The following NRXN3 variants were observed in gnomAD, a reference collection of about 807,000 sequenced individuals.
The protein encoded by NRXN3 is neurexin 3, also known as neurexin III.
In NRXN3, 32 loss-of-function variants were observed where a neutral mutation model predicts 137.6. The observed-to-expected ratio is 0.23, with a 90% CI of 0.18 to 0.31. NRXN3 has a LOEUF of 0.31. NRXN3 is among the 10% of genes least tolerant of loss of function. The pLI is 1.00. For missense variants in NRXN3, 1,574 were observed against 2,062.5 expected, an observed-to-expected ratio of 0.76 and a Z score of 4.59; for synonymous variants, 798 against 784.5, an observed-to-expected ratio of 1.02 and a Z score of -0.29.
rs190017953 is a variant in NRXN3 at position 79,779,356 on chromosome 14, G to A, written c.4015-25756G>A. Among the ~76,000 whole-genome samples, 971 of 151,980 alleles carry A rather than the reference G, an allele frequency of 6.4e-3. 10 individuals are homozygous for A. Among genetic ancestry groups the A allele is most frequent in the African/African-American group, 0.022 (928 of 41,446 alleles). On this transcript the variant is annotated intron_variant, in intron 19 of 20. Transcript: ENST00000335750. ...TCGAACTCCCGACCTCAGGTGATCC[G>A]CCCACCTCGGCCTCCCAAAGTGCTG...
At chr14:79,816,125 G>C (rs762133616) in intron 20 of NRXN3, among the ~76,000 whole-genome samples, 3 of 152,116 alleles carry the variant, frequency 2.0e-5, no homozygotes, top group Non-Finnish European at 4.4e-5. Flanking sequence ...ATAAAAACTA[G>C]CTTGGTCATC....
chr14:79,134,066 C>T (rs769699367), intron 15 of NRXN3, among the ~76,000 whole-genome samples: 3 of 152,130 alleles, frequency 2.0e-5, no homozygotes, highest in Non-Finnish European at 2.9e-5. Flanking sequence ...TGTGTGCCTT[C>T]AAATTTATGA....
chr14:79,429,974 GAA>G (rs541690115), intron 15 of NRXN3, among the ~76,000 whole-genome samples: 1 of 143,042 alleles, frequency 7.0e-6, no homozygotes, highest in African/African-American at 2.5e-5. Flanking sequence ...TTGTTGTCAG[GAA>G]AAAAAAAAAG....
intron 15 of NRXN3, among the ~76,000 whole-genome samples, chr14:79,150,272 T>C (rs2153029530): frequency 6.6e-6 from 1 of 152,164 alleles, no homozygotes; most frequent in African/African-American, 2.4e-5. Flanking sequence ...TGTGTCCAAC[T>C]TTTGAAATGG....
At chr14:78,385,711 G>A (rs1235058084) in intron 4 of NRXN3, among the ~76,000 whole-genome samples, 2 of 152,198 alleles carry the variant, frequency 1.3e-5, no homozygotes, top group Non-Finnish European at 2.9e-5. Context: ...ATCAGTAATA[G>A]ATTCAACTTA....
intron 4 of NRXN3, among the ~76,000 whole-genome samples, chr14:78,345,018 T>A (rs2082553385): frequency 6.6e-6 from 1 of 152,056 alleles, no homozygotes; most frequent in Non-Finnish European, 1.5e-5. Context: ...GAGAATTGTG[T>A]TGGGAGGGTA....
At chr14:78,795,840 G>T (rs2098819923) in intron 8 of NRXN3, among the ~76,000 whole-genome samples, 1 of 152,114 alleles carries the variant, frequency 6.6e-6, no homozygotes, top group East Asian at 1.9e-4. Flanking sequence ...TTGTCATAAG[G>T]ACACACAGCA....
At chr14:78,661,564 A>G (rs1024679530) in intron 6 of NRXN3, among the ~76,000 whole-genome samples, 1 of 152,230 alleles carries the variant, frequency 6.6e-6, no homozygotes, top group South Asian at 2.1e-4. Context: ...GATGGCAGGG[A>G]CAGAAAATGG....
At position 78,966,259 on chromosome 14, in the gene NRXN3, C is replaced by A. The variant is rs761924616; in HGVS notation, c.2630C>A (p.Thr877Asn). Residue 877 changes from threonine to asparagine, a missense_variant, in exon 12 of 21, where the codon ACC (threonine) becomes AAC (asparagine). Physicochemically the swap from Thr to Asn is moderately conservative, Grantham distance 65 (BLOSUM62 0). Transcript: ENST00000335750. Reference protein sequence around the residue: ...NIIADPVTFKTKSSYLSLATL... With the variant: ...NIIADPVTFKNKSSYLSLATL... Reference sequence around the variant, plus strand: ...ATCGCTGACCCTGTCACCTTTAAGACCAAGAGCAGCTACCTGAGCCTTGCC... The same window carrying A: ...ATCGCTGACCCTGTCACCTTTAAGAACAAGAGCAGCTACCTGAGCCTTGCC... 4 of 1,614,168 alleles carry A rather than the reference C, an allele frequency of 2.5e-6. No homozygotes were observed. Among genetic ancestry groups the A allele is most frequent in the Non-Finnish European group, 3.4e-6 (4 of 1,180,014 alleles).
intron 4 of NRXN3, among the ~76,000 whole-genome samples, chr14:78,438,765 G>C (rs2094150264): frequency 6.6e-6 from 1 of 152,140 alleles, no homozygotes; most frequent in Non-Finnish European, 1.5e-5. Context: ...AGAGGCATAG[G>C]AAAAGTAGAT....
intron 16 of NRXN3, among the ~76,000 whole-genome samples, chr14:79,592,635 C>T (rs1349922563): frequency 6.6e-6 from 1 of 151,846 alleles, no homozygotes; most frequent in Non-Finnish European, 1.5e-5. Context: ...TTCATTTTTC[C>T]TGTATATTCT....
intron 8 of NRXN3, among the ~76,000 whole-genome samples, chr14:78,775,324 T>C (rs892514320): frequency 1.3e-5 from 2 of 152,306 alleles, no homozygotes; most frequent in Non-Finnish European, 2.9e-5. Flanking sequence ...AGCTATCCCA[T>C]ACTCAGAAAA....
chr14:78,976,936 G>C (rs2099469271), intron 14 of NRXN3, among the ~76,000 whole-genome samples: 2 of 152,186 alleles, frequency 1.3e-5, no homozygotes, highest in Non-Finnish European at 2.9e-5. Context: ...GACTTGGCAG[G>C]TTGTATCTCC....
At chr14:79,102,158 G>C (rs1409672676) in intron 15 of NRXN3, among the ~76,000 whole-genome samples, 1 of 152,104 alleles carries the variant, frequency 6.6e-6, no homozygotes, top group South Asian at 2.1e-4. Context: ...CACCCAGTTT[G>C]TTATGGCAAA....
At chr14:78,587,797 T>C (rs2097080307) in intron 4 of NRXN3, among the ~76,000 whole-genome samples, 1 of 152,214 alleles carries the variant, frequency 6.6e-6, no homozygotes, top group Admixed American at 6.5e-5. Context: ...ATTGTTATAT[T>C]AGATGTTGGG....
At chr14:78,989,667 A>G (rs1454347388) in intron 15 of NRXN3, among the ~76,000 whole-genome samples, 2 of 152,198 alleles carry the variant, frequency 1.3e-5, no homozygotes, top group Admixed American at 6.5e-5. Flanking sequence ...AACCTGAGGA[A>G]TTATACTATA....
At chr14:78,757,423 G>A (rs1043796194) in intron 8 of NRXN3, among the ~76,000 whole-genome samples, 2 of 108,918 alleles carry the variant, frequency 1.8e-5, no homozygotes, top group Non-Finnish European at 1.7e-5. Flanking sequence ...AAAAAAAAAA[G>A]GATTCTGCAT....
At chr14:78,750,196 C>G (rs1319177605) in intron 8 of NRXN3, among the ~76,000 whole-genome samples, 4 of 152,234 alleles carry the variant, frequency 2.6e-5, no homozygotes, top group Non-Finnish European at 5.9e-5. Context: ...TTCAGGCCAA[C>G]TGATGGGTGA....
At chr14:78,332,531 G>A (rs1421966064) in intron 4 of NRXN3, among the ~76,000 whole-genome samples, 7 of 151,988 alleles carry the variant, frequency 4.6e-5, no homozygotes, top group Non-Finnish European at 1.0e-4. Flanking sequence ...GGCCAGGCTC[G>A]TTTCGAATTC....
Sources: allele counts gnomAD v4.1 joint callset (sites outside exome capture counted in the v4.1 genomes callset), GRCh38; gene constraint gnomAD v4.1.1; transcripts MANE v1.5; gene names NCBI Gene and HGNC (gene_info 2026-07-23, HGNC 2026-07-21).